GRM1: variants seen among roughly 807,000 people sequenced by gnomAD.
The protein encoded by GRM1 is metabotropic glutamate receptor 1.
Under a neutral mutation model 90.9 loss-of-function variants are expected in GRM1, and 33 were observed. The observed-to-expected ratio is 0.36, with a 90% CI of 0.28 to 0.49. GRM1 has a LOEUF of 0.49. Among genes scored for constraint, GRM1 ranks in the 20% least tolerant of loss-of-function variants. The pLI is 0.99. For synonymous variants in GRM1, 700 were observed against 613.2 expected (o/e 1.14, Z -2.09); for missense variants, 1,190 against 1,534.3 (o/e 0.78, Z 3.75).
intron 2 of GRM1, among the ~76,000 whole-genome samples, chr6:146,239,143 G>A (rs1407676401): frequency 6.6e-6 from 1 of 152,072 alleles, no homozygotes; most frequent in African/African-American, 2.4e-5. Context: ...TAAAGAGAAA[G>A]GTATCAGCTC....
intron 3 of GRM1, among the ~76,000 whole-genome samples, chr6:146,342,059 T>C (rs1785000524): frequency 1.3e-5 from 2 of 152,318 alleles, no homozygotes; most frequent in South Asian, 4.1e-4. Context: ...GAAATGACCA[T>C]GTAACAGTCT....
At chr6:146,422,795 A>G (rs981054586) in intron 7 of GRM1, among the ~76,000 whole-genome samples, 1 of 152,208 alleles carries the variant, frequency 6.6e-6, no homozygotes, top group African/African-American at 2.4e-5. Context: ...TCTCAAAGAG[A>G]GATAGGCTGT....
At chr6:146,123,922 C>G (rs1776100297) in intron 1 of GRM1, among the ~76,000 whole-genome samples, 1 of 152,156 alleles carries the variant, frequency 6.6e-6, no homozygotes, top group African/African-American at 2.4e-5. Flanking sequence ...GATACATATG[C>G]TCAGATATCC....
chr6:146,414,493 T>C (rs908003324), intron 7 of GRM1, among the ~76,000 whole-genome samples: 4 of 151,782 alleles, frequency 2.6e-5, no homozygotes, highest in Admixed American at 6.6e-5. Context: ...AAGCTCCGCC[T>C]CCGGGTTCAC....
chr6:146,174,501 T>G (rs1259536186), intron 2 of GRM1, among the ~76,000 whole-genome samples: 2 of 152,278 alleles, frequency 1.3e-5, no homozygotes, highest in East Asian at 3.9e-4. Context: ...AGGTATACTG[T>G]GTGTAGTTTG....
chr6:146,422,916 G>A (rs1053838631), intron 7 of GRM1, among the ~76,000 whole-genome samples: 3 of 151,206 alleles, frequency 2.0e-5, no homozygotes, highest in African/African-American at 7.3e-5. Context: ...AAAGGAAAAA[G>A]GAATGGGAAG....
chr6:146,412,773 C>G (rs1005889114), intron 7 of GRM1, among the ~76,000 whole-genome samples: 3 of 152,092 alleles, frequency 2.0e-5, no homozygotes, highest in Non-Finnish European at 1.5e-5. Flanking sequence ...TTTTATTATT[C>G]CATGATAGTC....
chr6:146,268,030 T>C (rs1781984473), intron 2 of GRM1, among the ~76,000 whole-genome samples: 1 of 152,160 alleles, frequency 6.6e-6, no homozygotes, highest in Non-Finnish European at 1.5e-5. Flanking sequence ...TCCTCAATGG[T>C]CATAACAAGA....
At chr6:146,215,587 A>C (rs1316584357) in intron 2 of GRM1, among the ~76,000 whole-genome samples, 1 of 152,064 alleles carries the variant, frequency 6.6e-6, no homozygotes, top group Non-Finnish European at 1.5e-5. Context: ...TGGCCTTTTA[A>C]ACATATTTTA....
intron 5 of GRM1, among the ~76,000 whole-genome samples, chr6:146,375,605 G>C (rs866810900): frequency 2.0e-5 from 3 of 151,874 alleles, no homozygotes; most frequent in Non-Finnish European, 4.4e-5. Flanking sequence ...GTATAAAATT[G>C]TTATATTCTC....
intron 2 of GRM1, among the ~76,000 whole-genome samples, chr6:146,249,874 G>A (rs563076522): frequency 6.6e-6 from 1 of 152,188 alleles, no homozygotes; most frequent in Non-Finnish European, 1.5e-5. Context: ...AGAGCCACAG[G>A]GGTGGAACAT....
rs559843590 is a variant in GRM1 at position 146,387,587 on chromosome 6, T to C, written c.1729+571T>C. ...ATATCTATAAAGTGCATAAAGTTTG[T>C]TAAGCAGGCAAGAAGATGAAAGGAA... On this transcript the variant is annotated intron_variant, in intron 6 of 7. Transcript: ENST00000282753. Among the ~76,000 whole-genome samples the C allele has an allele frequency of 4.6e-5, 7 of 152,252 alleles. No homozygotes were observed. The East Asian group carries it at 1.3e-3, about 29-fold the overall frequency.
intron 2 of GRM1, among the ~76,000 whole-genome samples, chr6:146,191,458 A>G (rs1439473879): frequency 4.6e-5 from 7 of 152,040 alleles, no homozygotes; most frequent in Non-Finnish European, 1.0e-4. Flanking sequence ...TTGATTTCCA[A>G]CTTAAGCTGA....
intron 1 of GRM1, among the ~76,000 whole-genome samples, chr6:146,031,808 G>T (rs1016166270): frequency 6.6e-6 from 1 of 152,162 alleles, no homozygotes; most frequent in Non-Finnish European, 1.5e-5. Flanking sequence ...GTTAAAATGT[G>T]TTAAATATCA....
At chr6:146,422,764 A>C (rs530904524) in intron 7 of GRM1, among the ~76,000 whole-genome samples, 5 of 152,328 alleles carry the variant, frequency 3.3e-5, no homozygotes, top group African/African-American at 1.2e-4. Flanking sequence ...ATTAAAGCAA[A>C]GTCATACTGA....
At chr6:146,274,641 G>A (rs1782288517) in intron 2 of GRM1, among the ~76,000 whole-genome samples, 1 of 152,182 alleles carries the variant, frequency 6.6e-6, no homozygotes, top group South Asian at 2.1e-4. Flanking sequence ...TTATTTGCAT[G>A]CTTCAGAATG....
intron 1 of GRM1, among the ~76,000 whole-genome samples, chr6:146,105,357 A>G (rs764193945): frequency 8.4e-4 from 128 of 152,320 alleles, no homozygotes; most frequent in Non-Finnish European, 8.8e-4. Flanking sequence ...TCCCAAGGCA[A>G]ATACCCTTAG....
chr6:146,042,633 A>G (rs1323965771), intron 1 of GRM1, among the ~76,000 whole-genome samples: 1 of 152,024 alleles, frequency 6.6e-6, no homozygotes, highest in Non-Finnish European at 1.5e-5. Flanking sequence ...AATGAGGGAA[A>G]TGGAAAGAGA....
intron 1 of GRM1, among the ~76,000 whole-genome samples, chr6:146,085,262 A>G (rs1776502044): frequency 6.6e-6 from 1 of 152,108 alleles, no homozygotes; most frequent in Non-Finnish European, 1.5e-5. Context: ...AAATTAAAAG[A>G]AAAGGGAGAA....
Sources: gnomAD v4.1 joint callset for allele counts (sites outside exome capture counted in the v4.1 genomes callset) on GRCh38, gnomAD v4.1.1 for gene constraint, MANE v1.5 for transcripts, NCBI Gene and HGNC (gene_info 2026-07-23, HGNC 2026-07-21) for gene names.